The following PLD5 variants were observed in gnomAD, a reference collection of about 807,000 sequenced individuals.
The protein encoded by PLD5 is inactive phospholipase D5.
In PLD5, 36 loss-of-function variants were observed where a neutral mutation model predicts 61.1. That is an observed-to-expected ratio of 0.59 (90% CI 0.45 to 0.78). PLD5 has a LOEUF of 0.78. Among genes scored for constraint, PLD5 ranks in the 30% least tolerant of loss-of-function variants. The pLI is 0.00. For missense variants in PLD5, 515 were observed against 644.4 expected, an observed-to-expected ratio of 0.80 and a Z score of 2.17; for synonymous variants, 243 against 242.8, an observed-to-expected ratio of 1.00 and a Z score of -0.01.
intron 1 of PLD5, among the ~76,000 whole-genome samples, chr1:242,401,126 C>T (rs989678643): frequency 5.9e-5 from 9 of 152,126 alleles, no homozygotes; most frequent in African/African-American, 1.4e-4. Flanking sequence ...GTTAATGGTG[C>T]CAGCATTCCT....
In PLD5 at chr1:242,267,871, A is replaced by G. The variant is rs185972880; in HGVS notation, c.496-2423T>C. 5.8e-3 allele frequency among the ~76,000 whole-genome samples: 849 copies of G among 145,480 alleles called. 11 individuals carry two copies. Among genetic ancestry groups the G allele is most frequent in the African/African-American group, 0.02 (792 of 38,828 alleles). On this transcript the variant is annotated intron_variant, in intron 3 of 9. Transcript: ENST00000536534. ...ACACCAGCCTGGGCAACACAGCTAG[A>G]CCCCATCTCCAAAAATTAAAAAAAA...
chr1:242,117,013 T>C (rs1289711078), intron 6 of PLD5, among the ~76,000 whole-genome samples: 1 of 152,166 alleles, frequency 6.6e-6, no homozygotes, highest in Admixed American at 6.5e-5. Context: ...TTCCCTCACT[T>C]GGGCACTAGT....
chr1:242,504,818 C>G (rs1025881660), intron 1 of PLD5, among the ~76,000 whole-genome samples: 1 of 151,980 alleles, frequency 6.6e-6, no homozygotes, highest in Non-Finnish European at 1.5e-5. Flanking sequence ...CCAAAATTTT[C>G]TTGCACATCA....
chr1:242,501,927 G>A lies in PLD5; in HGVS notation c.189+22161C>T, dbSNP rs142818838. ...CATATAAGTTAATATCTGTTAATTGGCTGAACAAATGACTTGACTTAATAA... is the reference window on the plus strand; with the variant it reads ...CATATAAGTTAATATCTGTTAATTGACTGAACAAATGACTTGACTTAATAA... On this transcript the variant is annotated intron_variant, in intron 1 of 9. Transcript: ENST00000536534. Among the ~76,000 whole-genome samples the A allele has an allele frequency of 4.2e-4, 63 of 151,618 alleles. 1 individual carries two copies. Among genetic ancestry groups the A allele is most frequent in the African/African-American group, 1.5e-3 (61 of 41,314 alleles).
Position 242,363,188 on chromosome 1 carries a change from G to A in PLD5, c.190-14946C>T, listed in dbSNP as rs1019119174. Among the ~76,000 whole-genome samples, 181 of 152,004 alleles carry A rather than the reference G, an allele frequency of 1.2e-3. 1 individual carries two copies. Among genetic ancestry groups the A allele is most frequent in the African/African-American group, 4.2e-3 (172 of 41,428 alleles). ...CCTGGAAGGAGCAGATGGAATAATC[G>A]CCAACCCACACACAAGGCCAGAAAG... On this transcript the variant is annotated intron_variant, in intron 1 of 9. Coordinates refer to ENST00000536534, the MANE Select transcript of PLD5 (RefSeq NM_001372062.1).
intron 2 of PLD5, among the ~76,000 whole-genome samples, chr1:242,329,273 G>A (rs112246103): frequency 6.6e-6 from 1 of 152,136 alleles, no homozygotes; most frequent in African/African-American, 2.4e-5. Context: ...GCCTCCCAAA[G>A]TGCTGGGATT....
chr1:242,307,308 T>C (rs1676428216), intron 2 of PLD5, among the ~76,000 whole-genome samples: 1 of 152,002 alleles, frequency 6.6e-6, no homozygotes, highest in African/African-American at 2.4e-5. Context: ...ACATAAATAC[T>C]CATATAGTCA....
chr1:242,475,800 T>C (rs1572211499), intron 1 of PLD5, among the ~76,000 whole-genome samples: 1 of 152,218 alleles, frequency 6.6e-6, no homozygotes, highest in East Asian at 1.9e-4. Flanking sequence ...GGTGTCCTTA[T>C]GAGAAGAGGA....
chr1:242,475,306 C>T (rs1208927796), intron 1 of PLD5, among the ~76,000 whole-genome samples: 1 of 151,652 alleles, frequency 6.6e-6, no homozygotes, highest in Non-Finnish European at 1.5e-5. Flanking sequence ...GCCTGTAGTC[C>T]CAGCTACTCG....
At chr1:242,093,889 T>C (rs530620343) in intron 9 of PLD5, among the ~76,000 whole-genome samples, 11 of 152,204 alleles carry the variant, frequency 7.2e-5, no homozygotes, top group Middle Eastern at 3.4e-3. Flanking sequence ...GCTTTTTTTT[T>C]CCTTCAAATT....
chr1:242,248,984 A>G (rs1011526170), intron 4 of PLD5, among the ~76,000 whole-genome samples: 1 of 152,094 alleles, frequency 6.6e-6, no homozygotes, highest in Non-Finnish European at 1.5e-5. Flanking sequence ...CTCACCTCTA[A>G]TAAAAATACA....
chr1:242,369,746 G>T (rs1178663494), intron 1 of PLD5, among the ~76,000 whole-genome samples: 4 of 152,266 alleles, frequency 2.6e-5, no homozygotes, highest in African/African-American at 9.6e-5. Context: ...AAAGAGAGCT[G>T]TCTATTCTTG....
chr1:242,344,109 C>T (rs1223044057), intron 2 of PLD5, among the ~76,000 whole-genome samples: 1 of 152,176 alleles, frequency 6.6e-6, no homozygotes, highest in Non-Finnish European at 1.5e-5. Context: ...ATTTCTATAA[C>T]AATCGGCCCC....
At chr1:242,190,108 G>C (rs867454328) in intron 5 of PLD5, among the ~76,000 whole-genome samples, 158 of 146,196 alleles carry the variant, frequency 1.1e-3, no homozygotes, top group African/African-American at 3.6e-3. Flanking sequence ...CACTCCCTCG[G>C]ACCTTATCTG....
At chr1:242,175,003 G>T (rs1429946436) in intron 5 of PLD5, among the ~76,000 whole-genome samples, 1 of 152,034 alleles carries the variant, frequency 6.6e-6, no homozygotes, top group Non-Finnish European at 1.5e-5. Flanking sequence ...TAACAAACCT[G>T]CACGTTGTGC....
chr1:242,222,708 A>G (rs1670678246), intron 4 of PLD5, among the ~76,000 whole-genome samples: 2 of 151,882 alleles, frequency 1.3e-5, no homozygotes, highest in Non-Finnish European at 2.9e-5. Flanking sequence ...ACCTCTTTGT[A>G]CCTCTCCATC....
intron 1 of PLD5, among the ~76,000 whole-genome samples, chr1:242,514,607 C>T (rs746176679): frequency 3.4e-5 from 5 of 147,740 alleles, no homozygotes; most frequent in Non-Finnish European, 7.5e-5. Flanking sequence ...TGAAAAAAGT[C>T]AAAAAGAAAA....
chr1:242,122,523 C>T (rs1258287191), intron 6 of PLD5, among the ~76,000 whole-genome samples: 1 of 152,166 alleles, frequency 6.6e-6, no homozygotes, highest in African/African-American at 2.4e-5. Flanking sequence ...GGTTCCTTGG[C>T]AAATTTTCTA....
intron 3 of PLD5, among the ~76,000 whole-genome samples, chr1:242,283,437 A>G (rs541678394): frequency 6.6e-6 from 1 of 152,298 alleles, no homozygotes; most frequent in East Asian, 1.9e-4. Context: ...CTTTTTGGTT[A>G]TGGGCTGCTC....
Sources: gnomAD v4.1 joint callset for allele counts (sites outside exome capture counted in the v4.1 genomes callset) on GRCh38, gnomAD v4.1.1 for gene constraint, MANE v1.5 for transcripts, NCBI Gene and HGNC (gene_info 2026-07-23, HGNC 2026-07-21) for gene names.